The following LRFN2 variants were observed in gnomAD, a reference collection of about 807,000 sequenced individuals.
LRFN2 encodes the protein leucine-rich repeat and fibronectin type-III domain-containing protein 2.
In LRFN2, 18 loss-of-function variants were observed where a neutral mutation model predicts 37.3. That is an observed-to-expected ratio of 0.48 (90% confidence interval 0.33 to 0.72). The LOEUF is 0.72. Among genes scored for constraint, LRFN2 ranks in the 30% least tolerant of loss-of-function variants. LRFN2 has a pLI of 0.02. For missense variants in LRFN2, 1,006 were observed against 1,060.7 expected (o/e 0.95, Z 0.72); for synonymous variants, 556 against 466.6 (o/e 1.19, Z -2.47).
At chr6:40,401,494 G>C (rs1272273669) in intron 2 of LRFN2, among the ~76,000 whole-genome samples, 2 of 152,138 alleles carry the variant, frequency 1.3e-5, no homozygotes, top group Non-Finnish European at 2.9e-5. Flanking sequence ...TGATAACCTG[G>C]CACACCGCTC....
chr6:40,503,706 A>C (rs1765450971), intron 1 of LRFN2, among the ~76,000 whole-genome samples: 1 of 152,188 alleles, frequency 6.6e-6, no homozygotes, highest in South Asian at 2.1e-4. Flanking sequence ...TGTGGAGCCC[A>C]ACACCAGTAT....
intron 1 of LRFN2, among the ~76,000 whole-genome samples, chr6:40,480,231 G>T (rs1156361639): frequency 1.3e-5 from 2 of 152,178 alleles, no homozygotes; most frequent in Admixed American, 6.5e-5. Context: ...GCTGGGATTT[G>T]GTTCCACTTG....
chr6:40,545,078 A>T (rs1432129051), intron 1 of LRFN2, among the ~76,000 whole-genome samples: 1 of 152,220 alleles, frequency 6.6e-6, no homozygotes, highest in East Asian at 1.9e-4. Flanking sequence ...AATCAGGGGT[A>T]ATAATATTAC....
chr6:40,392,359 T>C lies in LRFN2; in HGVS notation c.1954A>G (p.Ser652Gly). 1.2e-6 allele frequency: 2 copies of C among 1,607,112 alleles called. No individual in the cohort carries two copies. Among genetic ancestry groups the C allele is most frequent in the South Asian group, 2.2e-5 (2 of 89,880 alleles). ...AAGGCCCCCATCAGGCGGTCAAGGC[T>C]GGGCTTGGGGCGCGGGGCGGAGGGT... ...IPPSAPRPKP[S>G]LDRLMGAFAS... is the part of the protein sequence containing the mutation. The change falls in exon 3 of 3, where the codon AGC becomes GGC. Residue 652 changes from serine (S) to glycine (G), a missense_variant. Around this residue, in one of 4 missense-constraint regions of LRFN2, gnomAD observed 398 missense variants for 327.6 expected, o/e 1.21. Transcript: ENST00000338305. This position sits in a 1 kb window ranked among gnomAD's most constrained non-coding sequence, Gnocchi z 4.7.
rs758968464 is a variant in LRFN2, at chr6:40,432,711, GGTT to G, written c.400_402del (p.Asn134del). 1 of 1,614,184 alleles carries G rather than the reference GGTT, an allele frequency of 6.2e-7. No individual in the cohort carries two copies. The highest frequency in any genetic ancestry group is 1.7e-5 in the Admixed American group (1 of 60,036). On this transcript the variant is annotated inframe_deletion, in exon 2 of 3. Coordinates refer to ENST00000338305, the MANE Select transcript of LRFN2 (RefSeq NM_020737.3). ...GCCTCATCTGCGATGCCGCCCAGCT[GGTT>G]GTTGTTCACGATAAGGTGCTGCAGG...
intron 1 of LRFN2, among the ~76,000 whole-genome samples, chr6:40,531,909 C>T (rs1474068745): frequency 6.6e-6 from 1 of 152,156 alleles, no homozygotes; most frequent in East Asian, 1.9e-4. Flanking sequence ...CCCCACTAGC[C>T]CCTGGCACCT....
chr6:40,418,658 T>A lies in LRFN2; in HGVS notation c.1400+13056A>T, dbSNP rs902877245. On this transcript the variant is annotated intron_variant, in intron 2 of 2. Transcript: ENST00000338305. Reference sequence around the variant, plus strand: ...AGGAAGCCCAAAGTCAGGACAGCACTTGTTCCAAGCTCAAGCTCCCCTGCC... The same window carrying A: ...AGGAAGCCCAAAGTCAGGACAGCACATGTTCCAAGCTCAAGCTCCCCTGCC... 8.5e-5 allele frequency among the ~76,000 whole-genome samples: 13 copies of A among 152,312 alleles called. No homozygotes were observed. The East Asian group carries it at 2.5e-3, about 29-fold the overall frequency.
chr6:40,526,761 C>T (rs372950677), intron 1 of LRFN2, among the ~76,000 whole-genome samples: 40 of 152,322 alleles, frequency 2.6e-4, no homozygotes, highest in East Asian at 1.2e-3. Context: ...ACACCCACCA[C>T]CTCATTAACC....
At chr6:40,431,657 C>A (rs1209101979) in intron 2 of LRFN2, 57 bp downstream of exon 2, 2 of 1,445,476 alleles carry the variant, frequency 1.4e-6, no homozygotes, top group African/African-American at 1.4e-5. Flanking sequence ...CCTCCCCATC[C>A]CCTCCTCCTT....
intron 1 of LRFN2, among the ~76,000 whole-genome samples, chr6:40,481,190 C>A (rs760868177): frequency 2.2e-4 from 34 of 152,108 alleles, no homozygotes; most frequent in Admixed American, 2.0e-4. Flanking sequence ...AATCCCAGCA[C>A]TTTGGGAGGT....
At chr6:40,402,060 G>A (rs1762751510) in intron 2 of LRFN2, among the ~76,000 whole-genome samples, 1 of 152,128 alleles carries the variant, frequency 6.6e-6, no homozygotes, top group African/African-American at 2.4e-5. Flanking sequence ...CTTACTCCCA[G>A]ATTCTCTCTC....
chr6:40,510,430 G>A (rs1765673840), intron 1 of LRFN2, among the ~76,000 whole-genome samples: 1 of 152,200 alleles, frequency 6.6e-6, no homozygotes, highest in Admixed American at 6.5e-5. Context: ...CCTGGTTCAT[G>A]AACCTCAGCC....
At chr6:40,467,714 G>A (rs1439778460) in intron 1 of LRFN2, among the ~76,000 whole-genome samples, 1 of 152,176 alleles carries the variant, frequency 6.6e-6, no homozygotes, top group Admixed American at 6.5e-5. Flanking sequence ...GGCCATGGGA[G>A]GTTCTGAGTC....
chr6:40,532,966 A>G (rs924304992), intron 1 of LRFN2, among the ~76,000 whole-genome samples: 1 of 152,188 alleles, frequency 6.6e-6, no homozygotes, highest in African/African-American at 2.4e-5. Context: ...CCAAGAAGTG[A>G]CAGGCTGCCT....
At chr6:40,503,541 C>T (rs1046835996) in intron 1 of LRFN2, among the ~76,000 whole-genome samples, 1 of 152,112 alleles carries the variant, frequency 6.6e-6, no homozygotes, top group African/African-American at 2.4e-5. Flanking sequence ...TTTAAGACAT[C>T]CAAGAAGAGA....
chr6:40,557,384 G>T (rs1170842832), intron 1 of LRFN2, among the ~76,000 whole-genome samples: 1 of 152,182 alleles, frequency 6.6e-6, no homozygotes, highest in Non-Finnish European at 1.5e-5. Flanking sequence ...GGGCAACCAT[G>T]GTGGTAATGG....
intron 1 of LRFN2, among the ~76,000 whole-genome samples, chr6:40,581,560 G>A (rs1767403253): frequency 6.6e-6 from 1 of 152,186 alleles, no homozygotes; most frequent in South Asian, 2.1e-4. Context: ...TCTTCCCCAG[G>A]GGGGCATTTC....
At chr6:40,430,520 G>C (rs911334060) in intron 2 of LRFN2, among the ~76,000 whole-genome samples, 1 of 152,192 alleles carries the variant, frequency 6.6e-6, no homozygotes, top group African/African-American at 2.4e-5. Flanking sequence ...TTCCTTGAGC[G>C]GTAAGGTTTT....
intron 1 of LRFN2, among the ~76,000 whole-genome samples, chr6:40,448,261 T>C (rs1261606648): frequency 6.6e-6 from 1 of 152,122 alleles, no homozygotes; most frequent in Non-Finnish European, 1.5e-5. Flanking sequence ...GCTGAGGTAG[T>C]GAGTTTTGTG....
Sources: allele counts gnomAD v4.1 joint callset (sites outside exome capture counted in the v4.1 genomes callset), GRCh38; gene constraint gnomAD v4.1.1; regional missense constraint gnomAD v4.1.1; non-coding constraint Gnocchi (gnomAD v3.1); transcripts MANE v1.5; gene names NCBI Gene and HGNC (gene_info 2026-07-23, HGNC 2026-07-21).